The following SNAP91 variants were observed in gnomAD, a reference collection of about 807,000 sequenced individuals.
SNAP91 encodes the protein synaptosome associated protein 91.
SNAP91 carries 27 observed loss-of-function variants against 100.3 expected under a neutral mutation model. That is an observed-to-expected ratio of 0.27 (90% CI 0.20 to 0.37). The LOEUF (loss-of-function observed/expected upper bound fraction) is 0.37, where lower values mean the gene tolerates loss of function less well. SNAP91 is among the 10% of genes least tolerant of loss of function. The pLI is 1.00. For missense variants in SNAP91, 986 were observed against 1,123.7 expected, an observed-to-expected ratio of 0.88 and a Z score of 1.75; for synonymous variants, 404 against 398.6, an observed-to-expected ratio of 1.01 and a Z score of -0.16.
At chr6:83,653,752 G>A (rs1283837233) in intron 7 of SNAP91, among the ~76,000 whole-genome samples, 3 of 152,144 alleles carry the variant, frequency 2.0e-5, no homozygotes, top group Non-Finnish European at 2.9e-5. Flanking sequence ...GTTAAGGTGC[G>A]GAGAGGGGAA....
intron 2 of SNAP91, among the ~76,000 whole-genome samples, chr6:83,683,584 T>G (rs1054140528): frequency 1.3e-5 from 2 of 152,288 alleles, no homozygotes; most frequent in African/African-American, 4.8e-5. Context: ...CAGAAGCAGG[T>G]GCTGGCGCCA....
intron 7 of SNAP91, among the ~76,000 whole-genome samples, chr6:83,642,687 T>A (rs1384819428): frequency 6.6e-6 from 1 of 152,236 alleles, no homozygotes; most frequent in East Asian, 1.9e-4. Flanking sequence ...TGATTTATAA[T>A]CCTTTGGGTA....
intron 16 of SNAP91, 108 bp from the exon 17 acceptor site, chr6:83,594,589 A>G: frequency 1.5e-6 from 1 of 659,950 alleles, no homozygotes; most frequent in Non-Finnish European, 2.4e-6. Flanking sequence ...TACAACATGA[A>G]TTTTTAAAAA....
intron 2 of SNAP91, among the ~76,000 whole-genome samples, chr6:83,682,353 GT>G (rs764966459): frequency 2.1e-4 from 31 of 151,198 alleles, no homozygotes; most frequent in Admixed American, 4.0e-4. Context: ...GCTAATTTTT[GT>G]GTTTTTGTTT....
rs74703091 is a variant in SNAP91, at chr6:83,681,066, T to C, written c.131-15485A>G. 4.1e-3 allele frequency among the ~76,000 whole-genome samples: 630 copies of C among 152,264 alleles called. 3 individuals carry two copies. The highest frequency in any genetic ancestry group is 0.014 in the African/African-American group (596 of 41,576). ...TTTACAGAAAAGGGACTCTCACACA[T>C]AATCAAGCATAGGAGTCCCTAGCTT... On this transcript the variant is annotated intron_variant, in intron 2 of 29. Coordinates refer to ENST00000369694, the MANE Select transcript of SNAP91 (RefSeq NM_001242792.2).
At chr6:83,607,604 T>G (rs2095712678) in intron 13 of SNAP91, 95 bp downstream of exon 13, 1 of 718,680 alleles carries the variant, frequency 1.4e-6, no homozygotes, top group Non-Finnish European at 2.2e-6. Context: ...GGATTAGATT[T>G]CCTTTGGTGA....
intron 2 of SNAP91, among the ~76,000 whole-genome samples, chr6:83,697,606 T>C (rs2099236169): frequency 6.6e-6 from 1 of 152,160 alleles, no homozygotes; most frequent in Admixed American, 6.6e-5. Flanking sequence ...CATGCAAGTG[T>C]TGAGAGGATG....
At chr6:83,608,542 A>G (rs982895838) in intron 12 of SNAP91, among the ~76,000 whole-genome samples, 2 of 152,200 alleles carry the variant, frequency 1.3e-5, no homozygotes, top group African/African-American at 4.8e-5. Context: ...ATTTCAAAAC[A>G]ATGTATTGAT....
At position 83,641,145 on chromosome 6, in the gene SNAP91, C is replaced by A. The variant is rs201947130; in HGVS notation, c.716G>T (p.Arg239Leu). The A allele has an allele frequency of 5.3e-5, 82 of 1,546,936 alleles. No individual in the cohort carries two copies. The African/African-American group carries it at 1.1e-3, about 20-fold the overall frequency. Residue 239 changes from arginine to leucine, a missense_variant, in exon 8 of 30, where the codon CGA (arginine) becomes CTA (leucine). Transcript: ENST00000369694. ...QCKDALEIYK[R>L]FLTRMTRVSE... ...CACTCGTGTCATTCTAGTTAGAAAT[C>A]GTTTGTAAATTTCTAGAGCATCTTT...
Position 83,665,485 on chromosome 6 carries a change from A to C in SNAP91, c.227T>G (p.Phe76Cys), listed in dbSNP as rs2098663607. ...RATNSSWVVV[F>C]KALVTTHHLM... ...ATGATGTGTTGTCACTAAAGCCTTA[A>C]ACACAACCACCCAGCTACTGTTTGT... Residue 76 changes from phenylalanine to cysteine, a missense_variant, in exon 3 of 30, where the codon TTT (phenylalanine) becomes TGT (cysteine). Physicochemically the swap from Phe to Cys is radical, Grantham distance 205. Coordinates refer to ENST00000369694, the MANE Select transcript of SNAP91 (RefSeq NM_001242792.2). The C allele has an allele frequency of 6.2e-7, 1 of 1,612,894 alleles. No individual in the cohort carries two copies. The highest frequency in any genetic ancestry group is 8.5e-7 in the Non-Finnish European group (1 of 1,179,276).
chr6:83,598,753 G>T (rs2094811705), intron 16 of SNAP91, among the ~76,000 whole-genome samples: 1 of 151,976 alleles, frequency 6.6e-6, no homozygotes, highest in African/African-American at 2.4e-5. Flanking sequence ...TTTTAGCTTA[G>T]GTTTTTATTA....
intron 12 of SNAP91, among the ~76,000 whole-genome samples, chr6:83,608,781 C>G (rs1020106757): frequency 6.6e-6 from 1 of 151,792 alleles, no homozygotes; most frequent in African/African-American, 2.4e-5. Flanking sequence ...TATACTAATC[C>G]AAAAGTCAAA....
At chr6:83,596,296 G>C (rs1025183879) in intron 16 of SNAP91, among the ~76,000 whole-genome samples, 1 of 152,130 alleles carries the variant, frequency 6.6e-6, no homozygotes, top group African/African-American at 2.4e-5. Context: ...TACATCAAGG[G>C]ATAGAGTAGG....
At chr6:83,686,775 T>C (rs2099067155) in intron 2 of SNAP91, 2 of 152,188 alleles carry the variant, frequency 1.3e-5, no homozygotes, top group African/African-American at 2.4e-5. Context: ...AAACTTTTCT[T>C]TACTGCTGTT....
intron 2 of SNAP91, chr6:83,679,003 T>G (rs2098949824): frequency 4.4e-6 from 2 of 453,694 alleles, no homozygotes; most frequent in South Asian, 6.5e-5. Flanking sequence ...ATCCTCAGAT[T>G]CAACCAAACT....
At position 83,591,292 on chromosome 6, in the gene SNAP91, C is replaced by T. The variant is rs375839747; in HGVS notation, c.1933G>A (p.Ala645Thr). The T allele has an allele frequency of 1.2e-4, 186 of 1,607,006 alleles. 1 individual carries two copies. The highest frequency in any genetic ancestry group is 1.6e-4 in the Non-Finnish European group (185 of 1,173,806). The change falls in exon 22 of 30, where the codon GCA becomes ACA. Residue 645 changes from alanine to threonine, a missense_variant and splice_region_variant. Transcript: ENST00000369694. ...GGTTCAGAAGCACTACTTCCAAATGCATCTATCCGTTATCCATTGTGCAGC... is the reference window on the plus strand; with the variant it reads ...GGTTCAGAAGCACTACTTCCAAATGTATCTATCCGTTATCCATTGTGCAGC... ...SSGVIDLFGDAFGSSASEPQP... is the reference protein window; with the variant it reads ...SSGVIDLFGDTFGSSASEPQP...
intron 22 of SNAP91, among the ~76,000 whole-genome samples, chr6:83,585,537 A>AC (rs1290648030): frequency 2.8e-5 from 2 of 70,266 alleles, no homozygotes; most frequent in African/African-American, 7.0e-5. Context: ...GCTTAAAAAA[A>AC]AAAAAAAAAG....
At chr6:83,557,995 C>T (rs1318948432) in intron 28 of SNAP91, among the ~76,000 whole-genome samples, 1 of 151,794 alleles carries the variant, frequency 6.6e-6, no homozygotes, top group East Asian at 1.9e-4. Context: ...TATGGTGTAT[C>T]ATTACCTGGC....
intron 8 of SNAP91, among the ~76,000 whole-genome samples, chr6:83,638,330 G>A (rs1396237818): frequency 6.6e-6 from 1 of 152,058 alleles, no homozygotes. Flanking sequence ...CTTGGTGGGA[G>A]AGGCATTTGC....
Sources: allele counts gnomAD v4.1 joint callset (sites outside exome capture counted in the v4.1 genomes callset), GRCh38; gene constraint gnomAD v4.1.1; transcripts MANE v1.5; gene names NCBI Gene and HGNC (gene_info 2026-07-23, HGNC 2026-07-21).